Variants in PHF2 observed in about 807,000 individuals in gnomAD.
PHF2 encodes lysine-specific demethylase PHF2.
PHF2 carries 27 observed loss-of-function variants against 120.5 expected under a neutral mutation model. That is an observed-to-expected ratio of 0.22 (90% confidence interval 0.17 to 0.31). The LOEUF is 0.31. PHF2 is among the 10% of genes least tolerant of loss of function. The pLI, the probability that PHF2 is intolerant of heterozygous loss-of-function variation, is 1.00. For missense variants in PHF2, 1,024 were observed against 1,434.8 expected (o/e 0.71, Z 4.63); for synonymous variants, 568 against 592.5 (o/e 0.96, Z 0.60).
At chr9:93,596,986 A>G (rs1214997377) in intron 1 of PHF2, among the ~76,000 whole-genome samples, 1 of 134,924 alleles carries the variant, frequency 7.4e-6, no homozygotes, top group Admixed American at 8.5e-5. Flanking sequence ...GCCGGAGTGC[A>G]GTGGCACGAT....
chr9:93,630,133 G>A (rs1587692803), intron 2 of PHF2, 78 bp downstream of exon 2: 6 of 1,410,552 alleles, frequency 4.3e-6, no homozygotes, highest in Non-Finnish European at 6.0e-6. Flanking sequence ...TGGAGGGTGA[G>A]GTCTCTGCTG....
chr9:93,588,752 G>T (rs1158379288), intron 1 of PHF2, among the ~76,000 whole-genome samples: 1 of 152,140 alleles, frequency 6.6e-6, no homozygotes, highest in South Asian at 2.1e-4. Flanking sequence ...TTAGCTGAGC[G>T]TGTTGGTGGG....
intron 1 of PHF2, among the ~76,000 whole-genome samples, chr9:93,601,619 C>T (rs1159338198): frequency 2.0e-5 from 3 of 152,016 alleles, no homozygotes; most frequent in South Asian, 2.1e-4. Flanking sequence ...AGGGTGTCTC[C>T]GTGGTCCCAG....
intron 1 of PHF2, among the ~76,000 whole-genome samples, chr9:93,625,191 G>A (rs116026797): frequency 6.6e-6 from 1 of 152,116 alleles, no homozygotes; most frequent in East Asian, 1.9e-4. Context: ...TATACCTATT[G>A]TAAACATATT....
At chr9:93,643,018 T>G (rs1826195057) in intron 3 of PHF2, among the ~76,000 whole-genome samples, 2 of 152,178 alleles carry the variant, frequency 1.3e-5, no homozygotes, top group Admixed American at 1.3e-4. Context: ...TTGAGTATAT[T>G]TATTTTCAAA....
intron 1 of PHF2, among the ~76,000 whole-genome samples, chr9:93,614,995 ATGG>A (rs1489029868): frequency 4.6e-5 from 7 of 150,788 alleles, no homozygotes; most frequent in African/African-American, 1.7e-4. Flanking sequence ...GATGATGATG[ATGG>A]TGATGATGAT....
intron 1 of PHF2, among the ~76,000 whole-genome samples, chr9:93,593,895 A>G (rs1433780620): frequency 6.6e-6 from 1 of 152,244 alleles, no homozygotes; most frequent in Non-Finnish European, 1.5e-5. Context: ...TTTTCCTACC[A>G]CTTTTGTACT....
chr9:93,596,994 G>A (rs1358842451), intron 1 of PHF2, among the ~76,000 whole-genome samples: 2 of 135,990 alleles, frequency 1.5e-5, no homozygotes, highest in Non-Finnish European at 3.0e-5. Context: ...GCAGTGGCAC[G>A]ATCTCGGCTC....
intron 1 of PHF2, among the ~76,000 whole-genome samples, chr9:93,622,278 C>T (rs1021027014): frequency 4.6e-5 from 7 of 152,226 alleles, no homozygotes; most frequent in Admixed American, 2.0e-4. Context: ...GTCCATACAC[C>T]GAGCCTGAGG....
Position 93,659,497 on chromosome 9 carries a change from CG to C in PHF2, c.1240-12del. 17 of 1,612,014 alleles carry C rather than the reference CG, an allele frequency of 1.1e-5. No homozygotes were observed. Among genetic ancestry groups the C allele is most frequent in the Non-Finnish European group, 1.4e-5 (17 of 1,178,244 alleles). On this transcript the variant is annotated splice_polypyrimidine_tract_variant and intron_variant, in intron 10 of 21. Transcript: ENST00000359246. ...AGGTGTCTGGTGCTGACCCTGGGTC[CG>C]GTTGTCCTGCAGGCTTTGGCAGAGC...
rs369465656 is a variant in PHF2 at position 93,654,408 on chromosome 9, G to T, written c.790-5G>T. ...GGCGGCTCTGCCAACAGGCTCTCTT[G>T]GCAGGGGGAGAAGACCTTCTATCTC... is the stretch of plus-strand genomic sequence containing the variant. On this transcript the variant is annotated splice_polypyrimidine_tract_variant and splice_region_variant and intron_variant, in intron 6 of 21. Coordinates refer to ENST00000359246, the MANE Select transcript of PHF2 (RefSeq NM_005392.4). The T allele has an allele frequency of 2.5e-6, 4 of 1,610,154 alleles. No individual in the cohort carries two copies. In the African/African-American group the frequency reaches 5.3e-5, roughly 22 times the overall value.
chr9:93,676,987 C>A (rs914580602), intron 21 of PHF2, 24 bp downstream of exon 21: 3 of 1,502,998 alleles, frequency 2.0e-6, no homozygotes, highest in African/African-American at 1.4e-5. Flanking sequence ...TGGAGGGAGC[C>A]TGCAGCCCCC....
At chr9:93,632,209 G>A (rs1290362173) in intron 2 of PHF2, among the ~76,000 whole-genome samples, 3 of 152,184 alleles carry the variant, frequency 2.0e-5, no homozygotes, top group Admixed American at 6.5e-5. Context: ...TAAAACCTCA[G>A]TGCAGGCTCC....
At chr9:93,582,145 G>C (rs1016747283) in intron 1 of PHF2, among the ~76,000 whole-genome samples, 5 of 152,190 alleles carry the variant, frequency 3.3e-5, no homozygotes, top group African/African-American at 9.7e-5. Context: ...CACAGAAGCA[G>C]CTAGGGCCTC....
chr9:93,578,560 T>TGTC (rs1328661197), intron 1 of PHF2, among the ~76,000 whole-genome samples: 1 of 152,194 alleles, frequency 6.6e-6, no homozygotes, highest in Non-Finnish European at 1.5e-5. Flanking sequence ...TGGGCACCTG[T>TGTC]GTCAGCTCCT....
chr9:93,611,993 C>T (rs535492304), intron 1 of PHF2, among the ~76,000 whole-genome samples: 1 of 152,206 alleles, frequency 6.6e-6, no homozygotes, highest in African/African-American at 2.4e-5. Flanking sequence ...GTGTGTCTTT[C>T]CTGAACATTC....
intron 2 of PHF2, among the ~76,000 whole-genome samples, 167 bp from the exon 3 acceptor site, chr9:93,636,244 T>C (rs1477647327): frequency 1.3e-5 from 2 of 151,986 alleles, no homozygotes; most frequent in African/African-American, 4.8e-5. Context: ...GACTCCTCCC[T>C]ATGTGCATGG....
At chr9:93,613,237 T>C (rs1422621059) in intron 1 of PHF2, among the ~76,000 whole-genome samples, 1 of 152,200 alleles carries the variant, frequency 6.6e-6, no homozygotes, top group Non-Finnish European at 1.5e-5. Flanking sequence ...GAGAAGTGAA[T>C]TCCCTGAGAA....
intron 1 of PHF2, among the ~76,000 whole-genome samples, chr9:93,603,806 G>A (rs764452876): frequency 1.3e-5 from 2 of 152,094 alleles, no homozygotes; most frequent in African/African-American, 2.4e-5. Flanking sequence ...CCCCAGCATC[G>A]CCTCCTCCCA....
Sources: allele counts gnomAD v4.1 joint callset (sites outside exome capture counted in the v4.1 genomes callset), GRCh38; gene constraint gnomAD v4.1.1; transcripts MANE v1.5; gene names NCBI Gene and HGNC (gene_info 2026-07-23, HGNC 2026-07-21).